RAB10: variants seen among roughly 807,000 people sequenced by gnomAD.
The protein encoded by RAB10 is RAB10, member RAS oncogene family.
A neutral mutation model predicts 25.7 loss-of-function variants in RAB10; 5 were observed. That is an observed-to-expected ratio of 0.19 (90% CI 0.10 to 0.41). RAB10 has a LOEUF of 0.41. Ranked by LOEUF, RAB10 falls within the 10% of genes least tolerant of loss-of-function variation. RAB10 has a pLI of 1.00. For synonymous variants in RAB10, 89 were observed against 86.4 expected (o/e 1.03, Z -0.16); for missense variants, 103 against 245.8 (o/e 0.42, Z 3.89).
At chr2:26,052,858 A>G (rs938987446) in intron 1 of RAB10, among the ~76,000 whole-genome samples, 1 of 152,070 alleles carries the variant, frequency 6.6e-6, no homozygotes, top group Non-Finnish European at 1.5e-5. Context: ...GATGGAAGCT[A>G]TGTGTTGGGG....
chr2:26,044,923 A>G (rs1665965498), intron 1 of RAB10, among the ~76,000 whole-genome samples: 1 of 152,098 alleles, frequency 6.6e-6, no homozygotes. Flanking sequence ...TGTTATGTTA[A>G]AAAAAATCAG....
At chr2:26,036,565 A>G (rs1211899316) in intron 1 of RAB10, among the ~76,000 whole-genome samples, 2 of 151,880 alleles carry the variant, frequency 1.3e-5, no homozygotes, top group African/African-American at 2.4e-5. Context: ...AGGCTGAGGC[A>G]GGAGAATCAC....
At chr2:26,055,871 T>G (rs188686837) in intron 1 of RAB10, among the ~76,000 whole-genome samples, 247 of 151,954 alleles carry the variant, frequency 1.6e-3, no homozygotes, top group Non-Finnish European at 1.6e-3. Flanking sequence ...TTATTGTTGA[T>G]GTACCTCCAG....
chr2:26,040,078 C>T (rs1413848897), intron 1 of RAB10, among the ~76,000 whole-genome samples: 1 of 152,144 alleles, frequency 6.6e-6, no homozygotes, highest in African/African-American at 2.4e-5. Flanking sequence ...AGTTGGTCAA[C>T]GTGCAGATGA....
intron 1 of RAB10, among the ~76,000 whole-genome samples, chr2:26,037,866 T>C (rs1020079771): frequency 6.6e-6 from 1 of 152,112 alleles, no homozygotes; most frequent in African/African-American, 2.4e-5. Flanking sequence ...TACCCAAGTA[T>C]TTGTTGGTGC....
intron 5 of RAB10, among the ~76,000 whole-genome samples, chr2:26,134,525 G>C (rs1668069998): frequency 6.6e-6 from 1 of 152,108 alleles, no homozygotes; most frequent in African/African-American, 2.4e-5. Flanking sequence ...AATAAAATTG[G>C]TCTAAAAAGG....
chr2:26,041,329 T>G (rs1486104548), intron 1 of RAB10, among the ~76,000 whole-genome samples: 2 of 151,290 alleles, frequency 1.3e-5, no homozygotes, highest in African/African-American at 2.4e-5. Context: ...TCACCAGAGG[T>G]CAGGAGTTTG....
intron 1 of RAB10, among the ~76,000 whole-genome samples, chr2:26,081,183 G>A (rs969528870): frequency 6.6e-6 from 1 of 152,098 alleles, no homozygotes; most frequent in African/African-American, 2.4e-5. Flanking sequence ...TTGATTGTGA[G>A]GCCTCCCCAG....
chr2:26,109,037 G>T (rs1035877046), intron 2 of RAB10, among the ~76,000 whole-genome samples: 6 of 151,750 alleles, frequency 4.0e-5, no homozygotes, highest in African/African-American at 1.5e-4. Flanking sequence ...TCAGCCTCCC[G>T]AGCAGGTGGG....
At chr2:26,078,248 G>C (rs1019126175) in intron 1 of RAB10, among the ~76,000 whole-genome samples, 1 of 152,184 alleles carries the variant, frequency 6.6e-6, no homozygotes, top group Non-Finnish European at 1.5e-5. Flanking sequence ...AGATGGCCAT[G>C]CTACCCAAAT....
chr2:26,065,119 A>G (rs1416454199), intron 1 of RAB10, among the ~76,000 whole-genome samples: 1 of 152,144 alleles, frequency 6.6e-6, no homozygotes, highest in African/African-American at 2.4e-5. Flanking sequence ...GCCATTAGGC[A>G]TTCTCAGTTT....
intron 1 of RAB10, among the ~76,000 whole-genome samples, chr2:26,061,560 A>AT (rs869279663): frequency 1.5e-4 from 23 of 148,676 alleles, no homozygotes; most frequent in African/African-American, 4.9e-4. Context: ...ATTAAAAAAA[A>AT]TTTTTTTTTT....
intron 3 of RAB10, among the ~76,000 whole-genome samples, chr2:26,113,371 C>T (rs1475630887): frequency 1.3e-4 from 19 of 151,966 alleles, no homozygotes; most frequent in African/African-American, 4.4e-4. Flanking sequence ...GTCAGGAGTT[C>T]GAGACCAGCC....
intron 1 of RAB10, among the ~76,000 whole-genome samples, chr2:26,093,192 T>C (rs1320108439): frequency 1.3e-5 from 2 of 152,174 alleles, no homozygotes; most frequent in Non-Finnish European, 2.9e-5. Flanking sequence ...CTTCCTTTTA[T>C]ATGGTGAGCA....
In RAB10 at chr2:26,136,259, T is replaced by A. The variant is rs3791730; in HGVS notation, c.*1238T>A. 25,456 of 152,486 alleles carry A rather than the reference T, an allele frequency of 0.17. 3,381 individuals are homozygous for A. The highest frequency in any genetic ancestry group is 0.77 in the East Asian group (3,967 of 5,148). 9.4% of individuals were successfully genotyped at this position (152,486 alleles called of 1,614,324 possible). The stretch of plus-strand genomic sequence containing the variant: ...GGTAGCCTAGTACAGGTTGTTTTTT[T>A]AAAAAAGGAAAAGCAGGAAGGAGGA... On this transcript the variant is annotated 3_prime_UTR_variant, in exon 6 of 6. Transcript: ENST00000264710.
intron 1 of RAB10, among the ~76,000 whole-genome samples, chr2:26,066,521 C>T (rs1181537738): frequency 6.6e-6 from 1 of 152,090 alleles, no homozygotes; most frequent in Non-Finnish European, 1.5e-5. Context: ...ACTCACAGTT[C>T]CTCATGGCTG....
At chr2:26,038,371 T>C (rs1665811057) in intron 1 of RAB10, among the ~76,000 whole-genome samples, 1 of 151,478 alleles carries the variant, frequency 6.6e-6, no homozygotes, top group South Asian at 2.1e-4. Flanking sequence ...CAATTTAGTA[T>C]TTTTAGTAGA....
chr2:26,056,902 G>T (rs1428043682), intron 1 of RAB10, among the ~76,000 whole-genome samples: 1 of 152,158 alleles, frequency 6.6e-6, no homozygotes, highest in East Asian at 1.9e-4. Context: ...AATTACAGGT[G>T]TGAGCCACTG....
intron 2 of RAB10, among the ~76,000 whole-genome samples, chr2:26,103,745 C>T (rs761300857): frequency 6.6e-6 from 1 of 152,138 alleles, no homozygotes; most frequent in Non-Finnish European, 1.5e-5. Context: ...TCTTTATCCT[C>T]CCAATTCCCT....
Sources: allele counts gnomAD v4.1 joint callset (sites outside exome capture counted in the v4.1 genomes callset), GRCh38; gene constraint gnomAD v4.1.1; transcripts MANE v1.5; gene names NCBI Gene and HGNC (gene_info 2026-07-23, HGNC 2026-07-21).